Variants in ATL2 observed in about 807,000 individuals in gnomAD.
ATL2 encodes atlastin GTPase 2.
In ATL2, 31 loss-of-function variants were observed where a neutral mutation model predicts 73.9. The ratio of observed to expected loss-of-function variants is 0.42; its 90% CI spans 0.32 to 0.57. The LOEUF (loss-of-function observed/expected upper bound fraction) is 0.57. Ranked by LOEUF, ATL2 falls within the 20% of genes least tolerant of loss-of-function variation. The pLI is 0.14. For synonymous variants in ATL2, 291 were observed against 237.5 expected, an observed-to-expected ratio of 1.23 and a Z score of -2.07; for missense variants, 738 against 702.6, an observed-to-expected ratio of 1.05 and a Z score of -0.57.
chr2:38,334,880 A>ATATAATATATAATATATATTATT (rs1553336534), intron 2 of ATL2, among the ~76,000 whole-genome samples: 657 of 26,404 alleles, frequency 0.025, 23 homozygotes, highest in African/African-American at 0.053. Context: ...AATATATATT[A>ATATAATATATAATATATATTATT]TATAATATAT....
In ATL2 at chr2:38,295,942, G is replaced by C; in HGVS notation, c.*52C>G. 1 of 1,412,376 alleles carries C rather than the reference G, an allele frequency of 7.1e-7. No individual in the cohort carries two copies. The allele number at this position is 1,412,376 out of a possible 1,614,324, so 87.5% of individuals were successfully genotyped here. A position where few individuals can be genotyped will look rare whatever the true frequency, so the allele number is the denominator to read the frequency against. ...GTTTATTTTTATTTGAGTTCTCATT[G>C]TACAGCAAGCATGAAAAAAAAAGAG... On this transcript the variant is annotated 3_prime_UTR_variant, in exon 13 of 13. Transcript: ENST00000378954.
intron 1 of ATL2, among the ~76,000 whole-genome samples, chr2:38,356,859 CTAGA>C (rs1014003474): frequency 6.6e-5 from 10 of 152,152 alleles, no homozygotes; most frequent in Non-Finnish European, 1.3e-4. Flanking sequence ...TATTCACAAT[CTAGA>C]TAGTTTTAAA....
intron 2 of ATL2, among the ~76,000 whole-genome samples, chr2:38,331,437 GAAAA>G (rs34238912): frequency 0.012 from 984 of 80,324 alleles, 8 homozygotes; most frequent in Non-Finnish European, 0.017. Flanking sequence ...TCTGTCTCAA[GAAAA>G]AAAAAAAAAA....
intron 9 of ATL2, among the ~76,000 whole-genome samples, chr2:38,306,666 T>C (rs536982805): frequency 2.7e-4 from 41 of 152,302 alleles, no homozygotes; most frequent in East Asian, 1.4e-3. Flanking sequence ...ACCATTTCAA[T>C]TGATGCTGAA....
intron 1 of ATL2, among the ~76,000 whole-genome samples, chr2:38,350,541 C>T (rs1324448140): frequency 1.3e-5 from 2 of 152,050 alleles, no homozygotes; most frequent in African/African-American, 2.4e-5. Flanking sequence ...TGTCATTATA[C>T]ATCTATGAAA....
chr2:38,360,739 G>C (rs189273758), intron 1 of ATL2, among the ~76,000 whole-genome samples: 3 of 151,964 alleles, frequency 2.0e-5, no homozygotes, highest in South Asian at 2.1e-4. Context: ...GTACTTTTTT[G>C]GGGGGAAATG....
At position 38,360,767 on chromosome 2, in the gene ATL2, G is replaced by C. The variant is rs368783825; in HGVS notation, c.118+16376C>G. Among the ~76,000 whole-genome samples, 66 of 152,178 alleles carry C rather than the reference G, an allele frequency of 4.3e-4. 3 individuals are homozygous for C. The South Asian group carries it at 7.7e-3, about 18-fold the overall frequency. Reference sequence around the variant, plus strand: ...GGGAAATGAGGGAGAACATACTTTTGTTATGTGGACCAGATTTTTAAAGAA... The same window carrying C: ...GGGAAATGAGGGAGAACATACTTTTCTTATGTGGACCAGATTTTTAAAGAA... On this transcript the variant is annotated intron_variant, in intron 1 of 12. Coordinates refer to ENST00000378954, the MANE Select transcript of ATL2 (RefSeq NM_001135673.4).
chr2:38,325,697 AGTACAC>A (rs1558412092), intron 2 of ATL2, among the ~76,000 whole-genome samples: 4 of 3,718 alleles, frequency 1.1e-3, no homozygotes, highest in Admixed American at 3.6e-3. Context: ...CACACACACC[AGTACAC>A]ACACACACAC....
At chr2:38,354,979 AG>A (rs1057495277) in intron 1 of ATL2, among the ~76,000 whole-genome samples, 8 of 152,214 alleles carry the variant, frequency 5.3e-5, no homozygotes, top group Non-Finnish European at 8.8e-5. Flanking sequence ...TAAGAACAAA[AG>A]ACAAAAGAGA....
chr2:38,340,484 A>T (rs186740107), intron 2 of ATL2, among the ~76,000 whole-genome samples: 34 of 152,202 alleles, frequency 2.2e-4, no homozygotes, highest in African/African-American at 7.5e-4. Context: ...CCACACCATA[A>T]CCATACCCAC....
chr2:38,304,510 A>C (rs1411825628), intron 9 of ATL2, among the ~76,000 whole-genome samples: 1 of 152,220 alleles, frequency 6.6e-6, no homozygotes, highest in Non-Finnish European at 1.5e-5. Context: ...ATTAACAATA[A>C]TTGTGGTGTG....
rs1414481600 is a variant in ATL2, at chr2:38,320,876, G to A, written c.364-1857C>T. Reference sequence around the variant, plus strand: ...CAAAACAGTGTCAGCCAGGCACAGTGGCTCACGCCTGTAATCCCAGCACTT... The same window carrying A: ...CAAAACAGTGTCAGCCAGGCACAGTAGCTCACGCCTGTAATCCCAGCACTT... On this transcript the variant is annotated intron_variant, in intron 2 of 12. Coordinates refer to ENST00000378954, the MANE Select transcript of ATL2 (RefSeq NM_001135673.4). Among the ~76,000 whole-genome samples, 5 of 152,212 alleles carry A rather than the reference G, an allele frequency of 3.3e-5. No individual in the cohort carries two copies. The East Asian group carries it at 5.8e-4, about 18-fold the overall frequency.
At chr2:38,359,299 G>A (rs933126338) in intron 1 of ATL2, among the ~76,000 whole-genome samples, 2 of 151,942 alleles carry the variant, frequency 1.3e-5, no homozygotes, top group Non-Finnish European at 2.9e-5. Flanking sequence ...GTGAAACCCT[G>A]TCTCCACTAA....
In ATL2 at chr2:38,298,499, A is replaced by C; in HGVS notation, c.1277T>G (p.Ile426Arg). Residue 426 changes from isoleucine to arginine, a missense_variant, in exon 12 of 13, where the codon ATA becomes AGA. Physicochemically the swap from Ile to Arg is moderately conservative, Grantham distance 97. Coordinates refer to ENST00000378954, the MANE Select transcript of ATL2 (RefSeq NM_001135673.4). Reference protein sequence around the residue: ...RKHLDLKEVAIKQFRSVKKMG... With the variant: ...RKHLDLKEVARKQFRSVKKMG... ...CTTTTTTACTGAACGAAATTGTTTTATCGCCACTTCCTTGAGATCCAAGTG... is the reference window on the plus strand; with the variant it reads ...CTTTTTTACTGAACGAAATTGTTTTCTCGCCACTTCCTTGAGATCCAAGTG... 1 of 1,614,192 alleles carries C rather than the reference A, an allele frequency of 6.2e-7. No homozygotes were observed. Among genetic ancestry groups the C allele is most frequent in the Non-Finnish European group, 8.5e-7 (1 of 1,180,006 alleles).
At chr2:38,296,218 C>A in intron 12 of ATL2, 105 bp from the exon 13 acceptor site, 1 of 1,426,720 alleles carries the variant, frequency 7.0e-7, no homozygotes. Flanking sequence ...ATGAAAATAA[C>A]CAGGAATATG....
rs927219475 is a variant in ATL2, at chr2:38,318,632, A to G, written c.506T>C (p.Val169Ala). 2 of 1,596,950 alleles carry G rather than the reference A, an allele frequency of 1.3e-6. No homozygotes were observed. The highest frequency in any genetic ancestry group is 3.3e-4 in the Middle Eastern group (2 of 5,980). Residue 169 changes from valine to alanine, a missense_variant, in exon 4 of 13, where the codon GTG becomes GCG. Val to Ala is a moderately conservative substitution (Grantham distance 64). Coordinates refer to ENST00000378954, the MANE Select transcript of ATL2 (RefSeq NM_001135673.4). ...IDRPNGTKVA[V>A]LLMDTQGAFD... Reference sequence around the variant, plus strand: ...GGCACCCTGGGTATCCATAAGCAGCACAGCAACCTAGGAATTTGAGAGTTT... The same window carrying G: ...GGCACCCTGGGTATCCATAAGCAGCGCAGCAACCTAGGAATTTGAGAGTTT...
intron 1 of ATL2, among the ~76,000 whole-genome samples, chr2:38,345,331 A>G (rs1476658461): frequency 6.6e-6 from 1 of 152,222 alleles, no homozygotes; most frequent in African/African-American, 2.4e-5. Flanking sequence ...CCACATAACC[A>G]ATATTCACAG....
chr2:38,344,146 C>G (rs967994799), intron 1 of ATL2, among the ~76,000 whole-genome samples: 3 of 152,146 alleles, frequency 2.0e-5, no homozygotes, highest in African/African-American at 7.2e-5. Flanking sequence ...TCAACAGCAC[C>G]TGTTTCTGAG....
At chr2:38,335,236 T>G (rs929734403) in intron 2 of ATL2, among the ~76,000 whole-genome samples, 3 of 152,012 alleles carry the variant, frequency 2.0e-5, no homozygotes, top group African/African-American at 4.8e-5. Context: ...CCAGCAATTC[T>G]ACTCCTGGGT....
Sources: allele counts gnomAD v4.1 joint callset (sites outside exome capture counted in the v4.1 genomes callset), GRCh38; gene constraint gnomAD v4.1.1; transcripts MANE v1.5; gene names NCBI Gene and HGNC (gene_info 2026-07-23, HGNC 2026-07-21).